The following CCDC12 variants were observed in gnomAD, a reference collection of about 807,000 sequenced individuals.
CCDC12 encodes the protein coiled-coil domain-containing protein 12.
In CCDC12, 28 loss-of-function variants were observed where a neutral mutation model predicts 25.7. The observed-to-expected ratio is 1.09, with a 90% CI of 0.81 to 1.50. The LOEUF (loss-of-function observed/expected upper bound fraction) is 1.50. CCDC12 is among the 40% of genes most tolerant of loss of function. The pLI, the probability that CCDC12 is intolerant of heterozygous loss-of-function variation, is 0.00. For synonymous variants in CCDC12, 75 were observed against 87.7 expected (o/e 0.86, Z 0.81); for missense variants, 198 against 210.0 (o/e 0.94, Z 0.35).
At chr3:46,940,572 A>G (rs6442041) in intron 2 of CCDC12, 161,521 of 169,176 alleles carry the variant, frequency 0.95, 77,579 homozygotes, top group East Asian at 1. Context: ...GAGTGGCCAG[A>G]GGTGGCAAGG....
At chr3:46,930,575 G>A (rs1399702612) in intron 2 of CCDC12, among the ~76,000 whole-genome samples, 1 of 152,206 alleles carries the variant, frequency 6.6e-6, no homozygotes, top group East Asian at 1.9e-4. Flanking sequence ...TCTGGGTGGA[G>A]CTTTGCTGTC....
At chr3:46,971,466 A>G (rs2034799861) in intron 1 of CCDC12, among the ~76,000 whole-genome samples, 1 of 152,260 alleles carries the variant, frequency 6.6e-6, no homozygotes, top group Admixed American at 6.5e-5. Flanking sequence ...CCTCTCACTA[A>G]TAAGTGGCAT....
chr3:46,939,519 C>T (rs1225945446), intron 2 of CCDC12, among the ~76,000 whole-genome samples: 2 of 152,092 alleles, frequency 1.3e-5, no homozygotes, highest in Non-Finnish European at 2.9e-5. Context: ...GAAACTGTGC[C>T]AGCACCCACC....
Position 46,922,235 on chromosome 3 carries a change from C to A in CCDC12, c.418+1G>T. 1 of 1,614,278 alleles carries A rather than the reference C, an allele frequency of 6.2e-7. No individual in the cohort carries two copies. The highest frequency in any genetic ancestry group is 8.5e-7 in the Non-Finnish European group (1 of 1,180,038). On this transcript the variant is annotated splice_donor_variant, in intron 6 of 6. Transcript: ENST00000683445. LOFTEE classifies it high-confidence loss of function. ...CCCACCTTCCCAGGCACTGCACTTA[C>A]GGATCAGCTCGGCAATGGCCCTCTG...
At chr3:46,973,003 GAA>G (rs2034851404) in intron 1 of CCDC12, among the ~76,000 whole-genome samples, 1 of 150,392 alleles carries the variant, frequency 6.6e-6, no homozygotes, top group African/African-American at 2.5e-5. Context: ...TTAGTTCGTC[GAA>G]AAGACAGATT....
At chr3:46,981,062 A>G (rs924165743), upstream of CCDC12, among the ~76,000 whole-genome samples, 1 of 152,230 alleles carries the variant, frequency 6.6e-6, no homozygotes, top group Non-Finnish European at 1.5e-5. Context: ...TCCAGGCCCC[A>G]GCAGGAGGCC....
intron 2 of CCDC12, among the ~76,000 whole-genome samples, chr3:46,938,518 G>GTT (rs66474878): frequency 0.044 from 4,048 of 91,352 alleles, 391 homozygotes; most frequent in Non-Finnish European, 0.05. Flanking sequence ...TTCCCCTCCT[G>GTT]TTTTTTTTTT....
rs1441589489 is a variant in CCDC12, at chr3:46,921,771, T to A, written c.*286A>T. On this transcript the variant is annotated 3_prime_UTR_variant, in exon 7 of 7. Coordinates refer to ENST00000683445, the MANE Select transcript of CCDC12 (RefSeq NM_001277074.2). ...TTACTTGTTTCTATTTCCAGATTTT[T>A]TTTTAGAAAGTTCAAAATATATACA... is the stretch of plus-strand genomic sequence containing the variant. The A allele has an allele frequency of 2.4e-6, 1 of 414,378 alleles. No individual in the cohort carries two copies. The highest frequency in any genetic ancestry group is 4.3e-6 in the Non-Finnish European group (1 of 231,282). The allele number at this position is 414,378 out of a possible 1,614,324, so 25.7% of individuals were successfully genotyped here.
chr3:46,981,884 G>GTT (rs1254714961), intron 1 of CCDC12: 1 of 152,328 alleles, frequency 6.6e-6, no homozygotes, highest in Non-Finnish European at 1.5e-5. Flanking sequence ...TCAGGAGGTG[G>GTT]TTATGGCTCA....
At chr3:46,928,043 G>C (rs2033048604) in intron 2 of CCDC12, among the ~76,000 whole-genome samples, 1 of 152,200 alleles carries the variant, frequency 6.6e-6, no homozygotes, top group Non-Finnish European at 1.5e-5. Context: ...TAGGTCAGGA[G>C]TTTGAGCCCA....
At chr3:46,953,648 G>GAAAA (rs527618724) in intron 1 of CCDC12, among the ~76,000 whole-genome samples, 2 of 105,378 alleles carry the variant, frequency 1.9e-5, no homozygotes, top group Admixed American at 2.1e-4. Flanking sequence ...CTCAAGCTTG[G>GAAAA]AAAAAAAAAA....
upstream of CCDC12, among the ~76,000 whole-genome samples, chr3:46,978,791 G>A (rs1251442545): frequency 6.6e-6 from 1 of 152,046 alleles, no homozygotes; most frequent in African/African-American, 2.4e-5. Context: ...AGACCATCCT[G>A]GCTAACACGG....
chr3:46,976,662 G>A lies in CCDC12; in HGVS notation c.71C>T (p.Ala24Val). The change falls in exon 1 of 7, where the codon GCC becomes GTC. Residue 24 changes from alanine to valine, a missense_variant. By Grantham distance (64) the Ala-to-Val change is moderately conservative (BLOSUM62 0). Coordinates refer to ENST00000683445, the MANE Select transcript of CCDC12 (RefSeq NM_001277074.2). ...CTTGCGCCCGGTTTTCTCCCGTAGG[G>A]CCTTCAGCCGTTCCTTTCGCCGCAA... The part of the protein sequence containing the change: ...EALRRKERLK[A>V]LREKTGRKDK... 6.2e-7 allele frequency: 1 copy of A among 1,609,478 alleles called. No homozygotes were observed. The highest frequency in any genetic ancestry group is 1.3e-5 in the African/African-American group (1 of 74,896).
chr3:46,941,002 G>A lies in CCDC12; in HGVS notation c.160C>T (p.His54Tyr). The change falls in exon 2 of 7, where the codon CAC becomes TAC. Residue 54 changes from histidine to tyrosine, a missense_variant. Coordinates refer to ENST00000683445, the MANE Select transcript of CCDC12 (RefSeq NM_001277074.2). ...LREEEEEGEKHRELRLRNYVP... is the reference protein window; with the variant it reads ...LREEEEEGEKYRELRLRNYVP... ...GGAGCTGCACACGGGCATTACCTGT[G>A]CTTCTCGCCTTCTTCCTCCTCTTCT... is the stretch of plus-strand genomic sequence containing the variant. 1 of 1,614,140 alleles carries A rather than the reference G, an allele frequency of 6.2e-7. No homozygotes were observed. Among genetic ancestry groups the A allele is most frequent in the Non-Finnish European group, 8.5e-7 (1 of 1,179,968 alleles).
intron 1 of CCDC12, among the ~76,000 whole-genome samples, chr3:46,964,190 G>A (rs1328463992): frequency 2.7e-5 from 4 of 150,274 alleles, no homozygotes; most frequent in African/African-American, 7.4e-5. Flanking sequence ...CAGCCGCCCC[G>A]TCTGAGAAGT....
At chr3:46,957,241 T>C (rs2034318006) in intron 1 of CCDC12, among the ~76,000 whole-genome samples, 1 of 152,068 alleles carries the variant, frequency 6.6e-6, no homozygotes, top group Non-Finnish European at 1.5e-5. Context: ...GAAGCTGCAA[T>C]AAGATTTGAT....
At chr3:46,933,575 C>G (rs1199885937) in intron 2 of CCDC12, among the ~76,000 whole-genome samples, 1 of 152,252 alleles carries the variant, frequency 6.6e-6, no homozygotes, top group Non-Finnish European at 1.5e-5. Flanking sequence ...TGCACCCACT[C>G]TCATCCCAGA....
chr3:46,944,810 A>G (rs2033842774), intron 1 of CCDC12, among the ~76,000 whole-genome samples: 1 of 152,134 alleles, frequency 6.6e-6, no homozygotes, highest in Non-Finnish European at 1.5e-5. Context: ...TCCTCTTCAA[A>G]GATACTGGTC....
At chr3:46,963,404 TC>T (rs2034521587) in intron 1 of CCDC12, among the ~76,000 whole-genome samples, 3 of 2,600 alleles carry the variant, frequency 1.2e-3, no homozygotes, top group South Asian at 0.14. Context: ...CCTCTCCCTC[TC>T]CCTCTCCTCA....
Sources: allele counts gnomAD v4.1 joint callset (sites outside exome capture counted in the v4.1 genomes callset), GRCh38; gene constraint gnomAD v4.1.1; transcripts MANE v1.5; gene names NCBI Gene and HGNC (gene_info 2026-07-23, HGNC 2026-07-21).